Variants in NUDCD1 observed in about 807,000 individuals in gnomAD.
NUDCD1 encodes NudC domain containing 1, also known as nudC domain-containing protein 1.
In NUDCD1, 60 loss-of-function variants were observed where a neutral mutation model predicts 67.8. That is an observed-to-expected ratio of 0.88 (90% CI 0.72 to 1.10). The LOEUF is 1.10. Ranked by LOEUF, NUDCD1 falls within the 50% of genes least tolerant of loss-of-function variation. NUDCD1 has a pLI of 0.00. For synonymous variants in NUDCD1, 244 were observed against 230.8 expected (o/e 1.06, Z -0.52); for missense variants, 643 against 695.0 (o/e 0.93, Z 0.84).
chr8:109,258,654 A>C (rs1482495880), intron 8 of NUDCD1, among the ~76,000 whole-genome samples: 2 of 152,122 alleles, frequency 1.3e-5, no homozygotes, highest in Non-Finnish European at 2.9e-5. Flanking sequence ...GGAAGAGTAT[A>C]TTCCTGGAGA....
At chr8:109,288,274 G>A (rs1586280589) in intron 5 of NUDCD1, among the ~76,000 whole-genome samples, 1 of 152,128 alleles carries the variant, frequency 6.6e-6, no homozygotes, top group Non-Finnish European at 1.5e-5. Flanking sequence ...GCTTCAATCT[G>A]TCTTGGAACT....
At chr8:109,289,983 C>A (rs1044545721) in intron 4 of NUDCD1, 50 bp from the exon 5 acceptor site, 2 of 809,838 alleles carry the variant, frequency 2.5e-6, no homozygotes, top group African/African-American at 1.8e-5. Context: ...AAACTATTAT[C>A]AAAATATTCT....
At chr8:109,256,713 G>A (rs572608334) in intron 8 of NUDCD1, among the ~76,000 whole-genome samples, 6 of 151,564 alleles carry the variant, frequency 4.0e-5, no homozygotes, top group Non-Finnish European at 7.4e-5. Context: ...ATGAAATATC[G>A]CACCACAAGA....
chr8:109,328,477 C>T (rs1313759981), intron 1 of NUDCD1, among the ~76,000 whole-genome samples: 1 of 152,092 alleles, frequency 6.6e-6, no homozygotes, highest in East Asian at 1.9e-4. Context: ...CTCAAGTACT[C>T]AAGAGTACTA....
At chr8:109,263,073 A>AAAAAAC (rs1813908440) in intron 8 of NUDCD1, among the ~76,000 whole-genome samples, 1 of 150,250 alleles carries the variant, frequency 6.7e-6, no homozygotes, top group Non-Finnish European at 1.5e-5. Flanking sequence ...AAAAAAAAAA[A>AAAAAAC]AAAAAACCCT....
intron 4 of NUDCD1, among the ~76,000 whole-genome samples, chr8:109,292,419 T>C (rs1286216554): frequency 1.9e-5 from 2 of 104,036 alleles, no homozygotes; most frequent in East Asian, 4.8e-4. Context: ...AATTTTGAGA[T>C]ATCTATTAGA....
chr8:109,325,457 A>G (rs1480382356), intron 1 of NUDCD1, among the ~76,000 whole-genome samples: 1 of 152,244 alleles, frequency 6.6e-6, no homozygotes, highest in Non-Finnish European at 1.5e-5. Context: ...AAAATATAAC[A>G]TAAAATCCCA....
At chr8:109,308,303 A>G (rs933576443) in intron 2 of NUDCD1, among the ~76,000 whole-genome samples, 4 of 152,210 alleles carry the variant, frequency 2.6e-5, no homozygotes, top group Non-Finnish European at 4.4e-5. Context: ...ACAACCTATC[A>G]AAACCTCTGG....
intron 8 of NUDCD1, among the ~76,000 whole-genome samples, chr8:109,255,715 G>C (rs1280657582): frequency 6.6e-6 from 1 of 151,298 alleles, no homozygotes; most frequent in Non-Finnish European, 1.5e-5. Flanking sequence ...TGAGAAGATG[G>C]ATAATGTGGT....
intron 6 of NUDCD1, among the ~76,000 whole-genome samples, chr8:109,280,055 T>C (rs900732716): frequency 3.9e-5 from 6 of 152,220 alleles, no homozygotes; most frequent in Non-Finnish European, 5.9e-5. Flanking sequence ...ATTCCACTTT[T>C]AGAAATTTAT....
In NUDCD1 at chr8:109,267,357, C is replaced by T. The variant is rs542857360; in HGVS notation, c.1299+3648G>A. ...TGTACTCAGTATTTAGGATCTCACA[C>T]GAGTCAGAATGGCCATTATTAAAAA... On this transcript the variant is annotated intron_variant, in intron 8 of 9. Transcript: ENST00000239690. 1.1e-4 allele frequency among the ~76,000 whole-genome samples: 17 copies of T among 152,134 alleles called. No homozygotes were observed. The South Asian group carries it at 3.5e-3, about 32-fold the overall frequency.
At chr8:109,281,410 A>T (rs1318649282) in intron 5 of NUDCD1, among the ~76,000 whole-genome samples, 3 of 152,138 alleles carry the variant, frequency 2.0e-5, no homozygotes, top group African/African-American at 7.2e-5. Flanking sequence ...CACTCATAAA[A>T]TACTAATGAT....
At chr8:109,288,668 T>G (rs1814628601) in intron 5 of NUDCD1, among the ~76,000 whole-genome samples, 1 of 152,212 alleles carries the variant, frequency 6.6e-6, no homozygotes, top group Non-Finnish European at 1.5e-5. Flanking sequence ...AAACCTAGGT[T>G]GCTCTGCTTA....
intron 5 of NUDCD1, among the ~76,000 whole-genome samples, chr8:109,282,306 T>C (rs921368748): frequency 1.3e-5 from 2 of 152,052 alleles, no homozygotes; most frequent in African/African-American, 4.8e-5. Flanking sequence ...CTGGCTGCAA[T>C]TGGCTGTTAC....
chr8:109,284,111 A>C (rs1369288367), intron 5 of NUDCD1, among the ~76,000 whole-genome samples: 1 of 152,170 alleles, frequency 6.6e-6, no homozygotes, highest in Non-Finnish European at 1.5e-5. Flanking sequence ...TTGCTATGCA[A>C]ATGGAAAACA....
At position 109,311,556 on chromosome 8, in the gene NUDCD1, G is replaced by GGTGTGT. The variant is rs199851152; in HGVS notation, c.273+10752_273+10753insACACAC. On this transcript the variant is annotated intron_variant, in intron 2 of 9. Transcript: ENST00000239690. The stretch of plus-strand genomic sequence containing the variant: ...ATCAATGAGTGGATAAAGAAACTGT[G>GGTGTGT]GTGTATATATATATATGATGGGATA... Among the ~76,000 whole-genome samples, 37 of 53,968 alleles carry GGTGTGT rather than the reference G, an allele frequency of 6.9e-4. 2 individuals are homozygous for GGTGTGT. Among genetic ancestry groups the GGTGTGT allele is most frequent in the African/African-American group, 4.4e-3 (35 of 7,908 alleles). 35.4% of individuals were successfully genotyped at this position (53,968 alleles called of 152,430 possible). A position where few individuals can be genotyped will look rare whatever the true frequency, so the allele number is the denominator to read the frequency against.
chr8:109,304,290 A>G (rs1236353038), intron 2 of NUDCD1, among the ~76,000 whole-genome samples: 1 of 151,946 alleles, frequency 6.6e-6, no homozygotes, highest in African/African-American at 2.4e-5. Context: ...CTGATACCAC[A>G]CCTGACCTCC....
chr8:109,289,197 G>C (rs1441197622), intron 5 of NUDCD1, among the ~76,000 whole-genome samples: 5 of 151,764 alleles, frequency 3.3e-5, no homozygotes, highest in African/African-American at 4.8e-5. Context: ...GGATGGTCTC[G>C]ATCTCCTGAC....
intron 6 of NUDCD1, among the ~76,000 whole-genome samples, chr8:109,280,451 A>C (rs80149046): frequency 0.021 from 3,151 of 152,262 alleles, 111 homozygotes; most frequent in African/African-American, 0.072. Flanking sequence ...CTAGCCGCCA[A>C]AAGTAGTTTT....
Sources: gnomAD v4.1 joint callset for allele counts (sites outside exome capture counted in the v4.1 genomes callset) on GRCh38, gnomAD v4.1.1 for gene constraint, MANE v1.5 for transcripts, NCBI Gene and HGNC (gene_info 2026-07-23, HGNC 2026-07-21) for gene names.